The following ANKRD44 variants were observed in gnomAD, a reference collection of about 807,000 sequenced individuals.
The protein encoded by ANKRD44 is serine/threonine-protein phosphatase 6 regulatory ankyrin repeat subunit B.
In ANKRD44, 35 loss-of-function variants were observed where a neutral mutation model predicts 116.0. The observed-to-expected ratio is 0.30, with a 90% CI of 0.23 to 0.40. The LOEUF (loss-of-function observed/expected upper bound fraction) is 0.40. Among genes scored for constraint, ANKRD44 ranks in the 10% least tolerant of loss-of-function variants. The probability of loss-of-function intolerance (pLI) is 1.00; values close to 1 mark genes in which losing one functional copy is unlikely to be tolerated. For missense variants in ANKRD44, 1,014 were observed against 1,242.6 expected, an observed-to-expected ratio of 0.82 and a Z score of 2.77; for synonymous variants, 435 against 461.8, an observed-to-expected ratio of 0.94 and a Z score of 0.74.
chr2:197,166,031 T>G (rs2080093561), intron 2 of ANKRD44, among the ~76,000 whole-genome samples: 1 of 152,222 alleles, frequency 6.6e-6, no homozygotes, highest in Admixed American at 6.5e-5. Flanking sequence ...ATATCCTGTT[T>G]TAATCTATAC....
chr2:197,030,429 G>A (rs79578586), intron 16 of ANKRD44, among the ~76,000 whole-genome samples: 12,616 of 152,176 alleles, frequency 0.083, 687 homozygotes, highest in African/African-American at 0.15. Flanking sequence ...GCAAGACACA[G>A]GGATGCAGGA....
intron 1 of ANKRD44, among the ~76,000 whole-genome samples, chr2:197,206,992 A>C (rs1023043539): frequency 6.6e-6 from 1 of 152,232 alleles, no homozygotes; most frequent in African/African-American, 2.4e-5. Context: ...TTAATTCATC[A>C]TTCTTTGAAG....
intron 16 of ANKRD44, among the ~76,000 whole-genome samples, chr2:197,052,253 G>C (rs2077122107): frequency 6.6e-6 from 1 of 152,170 alleles, no homozygotes; most frequent in Non-Finnish European, 1.5e-5. Context: ...GTTGAATGGA[G>C]AATAAAATAG....
Position 197,122,719 on chromosome 2 carries a change from G to A in ANKRD44, c.624C>T (p.Thr208=), listed in dbSNP as rs766517646. The A allele has an allele frequency of 3.7e-6, 6 of 1,614,144 alleles. No individual in the cohort carries two copies. The highest frequency in any genetic ancestry group is 4.2e-6 in the Non-Finnish European group (5 of 1,180,006). The change falls in exon 7 of 28, where the codon ACC becomes ACT. Residue 208 remains threonine (T), a synonymous_variant. Coordinates refer to ENST00000282272, the MANE Select transcript of ANKRD44 (RefSeq NM_001195144.2). The part of the protein sequence containing the change: ...EVTCKDKKGY[T]PLHAAASNGQ... ...CATTGGAGGCTGCAGCATGCAGAGG[G>A]GTATAACCCTTCTTATCCTTACAGG... is the stretch of plus-strand genomic sequence containing the variant.
chr2:197,049,727 C>T (rs2125004399), intron 16 of ANKRD44, among the ~76,000 whole-genome samples: 1 of 152,222 alleles, frequency 6.6e-6, no homozygotes, highest in South Asian at 2.1e-4. Flanking sequence ...AGTGACCCTC[C>T]AGTCTCAGCC....
intron 27 of ANKRD44, chr2:196,990,776 G>A: frequency 8.1e-7 from 1 of 1,232,164 alleles, no homozygotes; most frequent in Non-Finnish European, 1.0e-6. Context: ...GATTGGAGAG[G>A]GTCGTCCTGC....
chr2:197,262,278 T>C (rs2082625624), intron 1 of ANKRD44, among the ~76,000 whole-genome samples: 1 of 152,202 alleles, frequency 6.6e-6, no homozygotes, highest in Non-Finnish European at 1.5e-5. Flanking sequence ...TAAAATTATC[T>C]TAGAACCCAG....
intron 1 of ANKRD44, among the ~76,000 whole-genome samples, chr2:197,219,109 C>T (rs139113579): frequency 0.033 from 4,544 of 138,662 alleles, 103 homozygotes; most frequent in South Asian, 0.075. Context: ...CTTGCTCTGT[C>T]GCCAGGCTGG....
intron 16 of ANKRD44, among the ~76,000 whole-genome samples, chr2:197,064,222 A>G (rs1427046113): frequency 6.6e-6 from 1 of 152,226 alleles, no homozygotes; most frequent in Admixed American, 6.5e-5. Context: ...GTGAAGGAGA[A>G]ATAAAATCCT....
exon 22 of ANKRD44, chr2:196,967,091 A>G (rs2075677310): frequency 6.3e-6 from 1 of 157,768 alleles, no homozygotes; most frequent in South Asian, 1.9e-4. Flanking sequence ...CAATTTAACA[A>G]TGAAAGAAAT....
intron 21 of ANKRD44, among the ~76,000 whole-genome samples, chr2:196,979,908 G>A (rs1426200854): frequency 6.6e-6 from 1 of 152,008 alleles, no homozygotes; most frequent in African/African-American, 2.4e-5. Context: ...AAAGGTTTTT[G>A]TCACAACCAG....
At chr2:197,081,818 T>A (rs949558559) in intron 14 of ANKRD44, 93 bp from the exon 15 acceptor site, 1 of 997,200 alleles carries the variant, frequency 1.0e-6, no homozygotes, top group Non-Finnish European at 1.5e-6. Flanking sequence ...ATCTCAATGA[T>A]TTTTACCCCA....
chr2:197,021,010 A>G (rs975767251), intron 17 of ANKRD44, among the ~76,000 whole-genome samples: 1 of 151,556 alleles, frequency 6.6e-6, no homozygotes, highest in Non-Finnish European at 1.5e-5. Context: ...AAGTGTTTTC[A>G]TTGTTCAGTT....
At chr2:197,257,980 T>C (rs1436700675) in intron 1 of ANKRD44, among the ~76,000 whole-genome samples, 1 of 152,182 alleles carries the variant, frequency 6.6e-6, no homozygotes, top group Admixed American at 6.5e-5. Context: ...TAAATGAAAA[T>C]CATACAATAG....
At chr2:197,108,882 A>G (rs1287729572) in intron 9 of ANKRD44, among the ~76,000 whole-genome samples, 4 of 152,130 alleles carry the variant, frequency 2.6e-5, no homozygotes, top group Non-Finnish European at 4.4e-5. Context: ...AAAAACACAA[A>G]TAAACAAAAA....
At chr2:197,253,627 G>A (rs1291815266) in intron 1 of ANKRD44, among the ~76,000 whole-genome samples, 1 of 152,276 alleles carries the variant, frequency 6.6e-6, no homozygotes, top group South Asian at 2.1e-4. Flanking sequence ...AGATATTAAT[G>A]TAGACATCTC....
intron 21 of ANKRD44, among the ~76,000 whole-genome samples, chr2:196,970,500 C>T (rs1216872021): frequency 6.6e-6 from 1 of 152,078 alleles, no homozygotes; most frequent in African/African-American, 2.4e-5. Context: ...GGAGCATCTC[C>T]AAGTTTTCTT....
chr2:196,991,003 T>TC, intron 27 of ANKRD44: 1 of 1,155,756 alleles, frequency 8.7e-7, no homozygotes, highest in Non-Finnish European at 1.1e-6. Context: ...ACAGTACATC[T>TC]CGGATGATCT....
intron 1 of ANKRD44, among the ~76,000 whole-genome samples, chr2:197,230,163 G>T (rs2125761205): frequency 6.6e-6 from 1 of 152,262 alleles, no homozygotes; most frequent in South Asian, 2.1e-4. Context: ...AGACTGCCAA[G>T]AATTTTTTTA....
Sources: allele counts gnomAD v4.1 joint callset (sites outside exome capture counted in the v4.1 genomes callset), GRCh38; gene constraint gnomAD v4.1.1; transcripts MANE v1.5; gene names NCBI Gene and HGNC (gene_info 2026-07-23, HGNC 2026-07-21).